The following RIMBP2 variants were observed in gnomAD, a reference collection of about 807,000 sequenced individuals.
RIMBP2 encodes the protein RIMS binding protein 2.
RIMBP2 carries 48 observed loss-of-function variants against 118.6 expected under a neutral mutation model. The ratio of observed to expected loss-of-function variants is 0.40; its 90% CI spans 0.32 to 0.51. The LOEUF (loss-of-function observed/expected upper bound fraction) is 0.51, where lower values mean the gene tolerates loss of function less well. RIMBP2 is among the 20% of genes least tolerant of loss of function. The pLI, the probability that RIMBP2 is intolerant of heterozygous loss-of-function variation, is 0.41. For synonymous variants in RIMBP2, 762 were observed against 742.9 expected, an observed-to-expected ratio of 1.03 and a Z score of -0.42; for missense variants, 1,551 against 1,768.3, an observed-to-expected ratio of 0.88 and a Z score of 2.20.
chr12:130,584,569 TCACCACCATTACATCAC>T (rs1334643805), intron 2 of RIMBP2, among the ~76,000 whole-genome samples: 1 of 150,700 alleles, frequency 6.6e-6, no homozygotes, highest in African/African-American at 2.4e-5. Context: ...CATCACCTCA[TCACCACCATTACATCAC>T]CACCATTACA....
chr12:130,489,897 G>A (rs886415722), intron 4 of RIMBP2, among the ~76,000 whole-genome samples: 6 of 152,220 alleles, frequency 3.9e-5, no homozygotes, highest in South Asian at 4.2e-4. Flanking sequence ...AGGCCAAGGA[G>A]GGTGGATCAC....
chr12:130,713,268 AGGAAG>A (rs1302456775), intron 1 of RIMBP2, among the ~76,000 whole-genome samples: 1 of 126,532 alleles, frequency 7.9e-6, no homozygotes, highest in East Asian at 2.3e-4. Flanking sequence ...GAAGGAAGGA[AGGAAG>A]GACTGAGGAG....
intron 2 of RIMBP2, among the ~76,000 whole-genome samples, chr12:130,563,209 C>T (rs531752070): frequency 6.6e-6 from 1 of 152,218 alleles, no homozygotes; most frequent in African/African-American, 2.4e-5. Flanking sequence ...ATTCCCATCG[C>T]CCCTTAGACC....
At chr12:130,485,246 A>T (rs895874681) in intron 4 of RIMBP2, among the ~76,000 whole-genome samples, 2 of 152,262 alleles carry the variant, frequency 1.3e-5, no homozygotes, top group Admixed American at 1.3e-4. Context: ...TACTATATGC[A>T]GGGCACTATG....
chr12:130,638,653 C>T (rs1033156218), intron 1 of RIMBP2, among the ~76,000 whole-genome samples: 1 of 152,066 alleles, frequency 6.6e-6, no homozygotes, highest in Non-Finnish European at 1.5e-5. Context: ...ATCCTGAAAC[C>T]TTTCCCCCTC....
chr12:130,674,195 T>C (rs7977637), intron 1 of RIMBP2, among the ~76,000 whole-genome samples: 149,537 of 152,172 alleles, frequency 0.98, 73,526 homozygotes, highest in East Asian at 1. Context: ...TTTGGCGCCT[T>C]CTCCTTCGCT....
chr12:130,492,438 A>G (rs1025452246), intron 4 of RIMBP2, among the ~76,000 whole-genome samples: 123 of 151,202 alleles, frequency 8.1e-4, no homozygotes, highest in Middle Eastern at 6.8e-3. Context: ...CCTTTGGGGG[A>G]AAAAAAAAGA....
chr12:130,483,232 ACACCCAC>A lies in RIMBP2; in HGVS notation c.-3-4223_-3-4217del, dbSNP rs1463032311. On this transcript the variant is annotated intron_variant, in intron 4 of 22. Transcript: ENST00000690449. ...GGGAGGGGGCAGACCTCATCCAAAT[ACACCCAC>A]TGTGTGTGTACATGTGTCAGATTCT... is the stretch of plus-strand genomic sequence containing the variant. 4.1e-5 allele frequency among the ~76,000 whole-genome samples: 6 copies of A among 146,660 alleles called. 2 individuals carry two copies. The highest frequency in any genetic ancestry group is 6.8e-5 in the Admixed American group (1 of 14,728).
In RIMBP2 at chr12:130,419,184, G is replaced by A. The variant is rs972735977; in HGVS notation, c.3238+3269C>T. 3.3e-5 allele frequency among the ~76,000 whole-genome samples: 5 copies of A among 152,182 alleles called. No individual in the cohort carries two copies. Among genetic ancestry groups the A allele is most frequent in the Non-Finnish European group, 5.9e-5 (4 of 68,034 alleles). ...TGCAGACTGGACTGGGCAGTTGGGG[G>A]TCCCTTGTCCTTGGTGATGGCAGGC... On this transcript the variant is annotated intron_variant, in intron 17 of 22. Coordinates refer to ENST00000690449, the MANE Select transcript of RIMBP2 (RefSeq NM_001393629.1). This position sits in a 1 kb window ranked among gnomAD's most constrained non-coding sequence, Gnocchi z 4.3.
chr12:130,477,151 G>GT (rs1290883538), intron 5 of RIMBP2, among the ~76,000 whole-genome samples: 4 of 152,212 alleles, frequency 2.6e-5, no homozygotes, highest in Non-Finnish European at 5.9e-5. Flanking sequence ...AGAGACAATG[G>GT]TGAGTGCGGG....
In RIMBP2 at chr12:130,715,612, G is replaced by A. The variant is rs550065240; in HGVS notation, c.-352+610C>T. On this transcript the variant is annotated intron_variant, in intron 1 of 22. Transcript: ENST00000690449. ...CACGCATGCACGCACACACTCTGCC[G>A]GGGAACATCTGTTTTGACAAACACA... Among the ~76,000 whole-genome samples, 38 of 152,326 alleles carry A rather than the reference G, an allele frequency of 2.5e-4. No individual in the cohort carries two copies. In the South Asian group the frequency reaches 7.7e-3, roughly 31 times the overall value.
chr12:130,601,335 CAAAA>C (rs35127958), intron 2 of RIMBP2, among the ~76,000 whole-genome samples: 9,360 of 62,316 alleles, frequency 0.15, 246 homozygotes, highest in South Asian at 0.35. Context: ...AGAGGGCAGG[CAAAA>C]AAAAAAAAAA....
chr12:130,698,481 C>T (rs1217635102), intron 1 of RIMBP2, among the ~76,000 whole-genome samples: 2 of 152,154 alleles, frequency 1.3e-5, no homozygotes, highest in Admixed American at 1.3e-4. Context: ...TTAGACTGGA[C>T]GCAGTGGCTC....
chr12:130,571,415 C>CTT (rs2057639603), intron 2 of RIMBP2, among the ~76,000 whole-genome samples: 1 of 101,868 alleles, frequency 9.8e-6, no homozygotes. Context: ...CCCATAGTAA[C>CTT]ATTTTTTTTT....
At chr12:130,685,794 G>T (rs558857130) in intron 1 of RIMBP2, among the ~76,000 whole-genome samples, 1 of 152,148 alleles carries the variant, frequency 6.6e-6, no homozygotes, top group South Asian at 2.1e-4. Flanking sequence ...CCTATGACAA[G>T]GCCAGACACA....
intron 13 of RIMBP2, among the ~76,000 whole-genome samples, chr12:130,436,366 C>T (rs2077516008): frequency 6.6e-6 from 1 of 152,132 alleles, no homozygotes; most frequent in South Asian, 2.1e-4. Context: ...CATGAGGGTG[C>T]ATACAGATAC....
At chr12:130,491,974 C>T (rs566674907) in intron 4 of RIMBP2, among the ~76,000 whole-genome samples, 3 of 152,302 alleles carry the variant, frequency 2.0e-5, no homozygotes, top group Admixed American at 6.5e-5. Flanking sequence ...ACGGAACGAA[C>T]GAACCTGAAG....
At chr12:130,627,179 C>T (rs1246689700) in intron 2 of RIMBP2, among the ~76,000 whole-genome samples, 1 of 152,222 alleles carries the variant, frequency 6.6e-6, no homozygotes, top group African/African-American at 2.4e-5. Flanking sequence ...TCCTCCACCA[C>T]CACCACGCTT....
intron 19 of RIMBP2, among the ~76,000 whole-genome samples, chr12:130,408,460 A>G (rs2075389324): frequency 6.6e-6 from 1 of 152,222 alleles, no homozygotes; most frequent in South Asian, 2.1e-4. Flanking sequence ...CAGTCGACTT[A>G]GAGGTGCATT....
Sources: allele counts gnomAD v4.1 joint callset (sites outside exome capture counted in the v4.1 genomes callset), GRCh38; gene constraint gnomAD v4.1.1; non-coding constraint Gnocchi (gnomAD v3.1); transcripts MANE v1.5; gene names NCBI Gene and HGNC (gene_info 2026-07-23, HGNC 2026-07-21).